Variants in SIAH3 observed in about 807,000 individuals in gnomAD.
The protein encoded by SIAH3 is seven in absentia homolog 3.
A neutral mutation model predicts 12.6 loss-of-function variants in SIAH3; 9 were observed. The observed-to-expected ratio is 0.72, with a 90% CI of 0.43 to 1.25. SIAH3 has a LOEUF of 1.25. Among genes scored for constraint, SIAH3 ranks in the 50% most tolerant of loss-of-function variants. The pLI, the probability that SIAH3 is intolerant of heterozygous loss-of-function variation, is 0.00. For synonymous variants in SIAH3, 154 were observed against 151.1 expected, an observed-to-expected ratio of 1.02 and a Z score of -0.14; for missense variants, 390 against 365.4, an observed-to-expected ratio of 1.07 and a Z score of -0.55.
intron 1 of SIAH3, among the ~76,000 whole-genome samples, chr13:45,804,029 T>C (rs902617019): frequency 6.6e-6 from 1 of 152,158 alleles, no homozygotes; most frequent in East Asian, 1.9e-4. Flanking sequence ...AACACATTGA[T>C]TCCTAAAAAG....
intron 1 of SIAH3, among the ~76,000 whole-genome samples, chr13:45,843,030 C>CTGTG (rs1236849648): frequency 1.6e-5 from 1 of 64,476 alleles, no homozygotes; most frequent in East Asian, 7.6e-4. Flanking sequence ...CTCTCTCTCT[C>CTGTG]TCTCTGTGTG....
chr13:45,788,734 C>T (rs1012234531), intron 1 of SIAH3, among the ~76,000 whole-genome samples: 1 of 152,216 alleles, frequency 6.6e-6, no homozygotes, highest in African/African-American at 2.4e-5. Flanking sequence ...GGTCACCAAG[C>T]TCACTTAGAG....
chr13:45,795,064 A>G (rs1012009278), intron 1 of SIAH3, among the ~76,000 whole-genome samples: 23 of 152,194 alleles, frequency 1.5e-4, no homozygotes, highest in African/African-American at 4.8e-4. Context: ...GATAACCAGT[A>G]GTTGTTTAGA....
At chr13:45,821,530 G>C (rs1950655765) in intron 1 of SIAH3, among the ~76,000 whole-genome samples, 1 of 152,240 alleles carries the variant, frequency 6.6e-6, no homozygotes, top group African/African-American at 2.4e-5. Flanking sequence ...CCATGGCCCA[G>C]TAGAGTGCCT....
chr13:45,784,629 G>T (rs1215645611), intron 1 of SIAH3, among the ~76,000 whole-genome samples: 1 of 151,998 alleles, frequency 6.6e-6, no homozygotes, highest in African/African-American at 2.4e-5. Flanking sequence ...GTGTGCACTG[G>T]GACTACAGTC....
chr13:45,786,478 C>G (rs1950528258), intron 1 of SIAH3, among the ~76,000 whole-genome samples: 1 of 152,192 alleles, frequency 6.6e-6, no homozygotes. Flanking sequence ...TTAATGGTGA[C>G]AGATCATAGA....
At chr13:45,795,212 T>G (rs1950558476) in intron 1 of SIAH3, among the ~76,000 whole-genome samples, 1 of 152,072 alleles carries the variant, frequency 6.6e-6, no homozygotes, top group African/African-American at 2.4e-5. Flanking sequence ...ATTCCCAGAG[T>G]GGGTACAGAA....
chr13:45,835,049 T>C (rs1317265010), intron 1 of SIAH3, among the ~76,000 whole-genome samples: 1 of 152,172 alleles, frequency 6.6e-6, no homozygotes, highest in Non-Finnish European at 1.5e-5. Flanking sequence ...CTTCAGCAGG[T>C]GTGAGAGCCC....
rs976686356 is a variant in SIAH3, at chr13:45,824,495, C to T, written c.135+27000G>A. Among the ~76,000 whole-genome samples the T allele has an allele frequency of 3.3e-5, 5 of 152,186 alleles. No homozygotes were observed. The South Asian group carries it at 6.2e-4, about 19-fold the overall frequency. On this transcript the variant is annotated intron_variant, in intron 1 of 1. Coordinates refer to ENST00000400405, the MANE Select transcript of SIAH3 (RefSeq NM_198849.3). Reference sequence around the variant, plus strand: ...GGCCATTTTCTTCCTTCTTTGTAAGCTGGAAGGCTCTGGGCCTAACCTCAT... The same window carrying T: ...GGCCATTTTCTTCCTTCTTTGTAAGTTGGAAGGCTCTGGGCCTAACCTCAT...
intron 1 of SIAH3, among the ~76,000 whole-genome samples, chr13:45,842,174 A>G (rs1478586091): frequency 6.6e-6 from 1 of 152,074 alleles, no homozygotes; most frequent in Non-Finnish European, 1.5e-5. Flanking sequence ...CTTCCCTCCA[A>G]CATACAGTTG....
chr13:45,847,018 G>A (rs186713563), intron 1 of SIAH3, among the ~76,000 whole-genome samples: 65 of 152,240 alleles, frequency 4.3e-4, no homozygotes, highest in African/African-American at 1.5e-3. Context: ...AATAATGCTC[G>A]CACAGTGACC....
At position 45,843,036 on chromosome 13, in the gene SIAH3, G is replaced by C. The variant is rs112613474; in HGVS notation, c.135+8459C>G. On this transcript the variant is annotated intron_variant, in intron 1 of 1. Coordinates refer to ENST00000400405, the MANE Select transcript of SIAH3 (RefSeq NM_198849.3). ...CCATTATTTCTCTCTCTCTCTCTCT[G>C]TGTGTGTGTGTGTGTGTGTGTGTGT... is the stretch of plus-strand genomic sequence containing the variant. Among the ~76,000 whole-genome samples, 309 of 137,438 alleles carry C rather than the reference G, an allele frequency of 2.2e-3. 1 individual carries two copies. Among genetic ancestry groups the C allele is most frequent in the South Asian group, 6.3e-3 (29 of 4,570 alleles). The allele number at this position is 137,438 out of a possible 152,430, so 90.2% of individuals were successfully genotyped here.
intron 1 of SIAH3, among the ~76,000 whole-genome samples, chr13:45,807,264 T>C (rs1950601127): frequency 7.0e-6 from 1 of 142,892 alleles, no homozygotes; most frequent in African/African-American, 2.6e-5. Context: ...TTGTAATAAA[T>C]ACACCAGAAT....
chr13:45,819,550 T>C (rs79006594), intron 1 of SIAH3, among the ~76,000 whole-genome samples: 1,915 of 152,154 alleles, frequency 0.013, 20 homozygotes, highest in Non-Finnish European at 0.02. Flanking sequence ...TTTGGAAAAT[T>C]AGAAAAAGGA....
Position 45,814,049 on chromosome 13 carries a change from T to C in SIAH3, c.136-29992A>G, listed in dbSNP as rs149680365. Among the ~76,000 whole-genome samples, 746 of 152,048 alleles carry C rather than the reference T, an allele frequency of 4.9e-3. 9 individuals carry two copies. The highest frequency in any genetic ancestry group is 0.017 in the African/African-American group (710 of 41,478). On this transcript the variant is annotated intron_variant, in intron 1 of 1. Transcript: ENST00000400405. ...GCCAGGAGATTGAGACCATCCTGGC[T>C]AACACGGTGAAACCCCGTTTCTACT...
At position 45,782,702 on chromosome 13, in the gene SIAH3, A is replaced by T. The variant is rs1950509270; in HGVS notation, c.*681T>A. ...GGCACAGCCTGGGAACAAGGTGACA[A>T]GAGCCCGTCACAGGAAGGTGGGCCT... On this transcript the variant is annotated 3_prime_UTR_variant, in exon 2 of 2. Transcript: ENST00000400405. 2 of 152,178 alleles carry T rather than the reference A, an allele frequency of 1.3e-5. No individual in the cohort carries two copies. Among genetic ancestry groups the T allele is most frequent in the Non-Finnish European group, 2.9e-5 (2 of 68,040 alleles). The allele number at this position is 152,178 out of a possible 1,614,324, so 9.4% of individuals were successfully genotyped here.
chr13:45,836,356 G>A (rs191321037), intron 1 of SIAH3, among the ~76,000 whole-genome samples: 16 of 152,246 alleles, frequency 1.1e-4, no homozygotes, highest in Admixed American at 7.8e-4. Flanking sequence ...GTGCATATAC[G>A]CCATGGAATA....
chr13:45,805,699 A>G (rs536245583), intron 1 of SIAH3, among the ~76,000 whole-genome samples: 1 of 152,168 alleles, frequency 6.6e-6, no homozygotes, highest in Non-Finnish European at 1.5e-5. Flanking sequence ...CCTAAAAGCA[A>G]TTGCAACAAA....
intron 1 of SIAH3, among the ~76,000 whole-genome samples, chr13:45,821,430 GTAC>G (rs2137570538): frequency 6.6e-6 from 1 of 152,248 alleles, no homozygotes; most frequent in South Asian, 2.1e-4. Context: ...TCAAATACAG[GTAC>G]TAGTAGCCCA....
Sources: allele counts gnomAD v4.1 joint callset (sites outside exome capture counted in the v4.1 genomes callset), GRCh38; gene constraint gnomAD v4.1.1; transcripts MANE v1.5; gene names NCBI Gene and HGNC (gene_info 2026-07-23, HGNC 2026-07-21).